Variants in MAP2K1 observed in about 807,000 individuals in gnomAD.
MAP2K1 encodes mitogen-activated protein kinase kinase 1.
MAP2K1 carries 16 observed loss-of-function variants against 46.3 expected under a neutral mutation model. That is an observed-to-expected ratio of 0.35 (90% CI 0.23 to 0.52). MAP2K1 has a LOEUF of 0.52. Among genes scored for constraint, MAP2K1 ranks in the 20% least tolerant of loss-of-function variants. MAP2K1 has a pLI of 0.94. For missense variants in MAP2K1, 263 were observed against 497.1 expected (o/e 0.53, Z 4.48); for synonymous variants, 183 against 185.6 (o/e 0.99, Z 0.11).
chr15:66,465,451 C>G (rs1349863638), intron 5 of MAP2K1, among the ~76,000 whole-genome samples: 1 of 152,162 alleles, frequency 6.6e-6, no homozygotes, highest in African/African-American at 2.4e-5. Context: ...TTTCACAGTG[C>G]TTTTCTATAC....
At position 66,490,571 on chromosome 15, in the gene MAP2K1, G is replaced by C; in HGVS notation, c.1138G>C (p.Gly380Arg). 1 of 1,614,116 alleles carries C rather than the reference G, an allele frequency of 6.2e-7. No individual in the cohort carries two copies. Among genetic ancestry groups the C allele is most frequent in the Non-Finnish European group, 8.5e-7 (1 of 1,180,030 alleles). ...TGCAGGTTGGCTCTGCTCCACCATC[G>C]GCCTTAACCAGCCCAGCACACCAAC... ...DFAGWLCSTI[G>R]LNQPSTPTHA... The change falls in exon 11 of 11, where the codon GGC (glycine) becomes CGC (arginine). Residue 380 changes from glycine to arginine, a missense_variant. Physicochemically the swap from Gly to Arg is moderately radical, Grantham distance 125 (BLOSUM62 -2). Coordinates refer to ENST00000307102, the MANE Select transcript of MAP2K1 (RefSeq NM_002755.4).
At position 66,397,797 on chromosome 15, in the gene MAP2K1, C is replaced by T. The variant is rs114301928; in HGVS notation, c.80+10370C>T. 4.6e-3 allele frequency among the ~76,000 whole-genome samples: 701 copies of T among 152,170 alleles called. 4 individuals are homozygous for T. Among genetic ancestry groups the T allele is most frequent in the African/African-American group, 0.016 (685 of 41,536 alleles). On this transcript the variant is annotated intron_variant, in intron 1 of 10. Transcript: ENST00000307102. ...GTGGAACATTCTCTAAGACAACTGA[C>T]CTAGTCTCTTAAAAAGTCAGTATAG...
chr15:66,404,128 C>T (rs1396704522), intron 1 of MAP2K1, among the ~76,000 whole-genome samples: 2 of 152,198 alleles, frequency 1.3e-5, no homozygotes, highest in Non-Finnish European at 2.9e-5. Flanking sequence ...TAATCAGGCA[C>T]TCATTTGCGT....
intron 1 of MAP2K1, among the ~76,000 whole-genome samples, chr15:66,428,663 G>A (rs192330649): frequency 3.3e-5 from 5 of 151,654 alleles, no homozygotes; most frequent in African/African-American, 9.7e-5. Context: ...AAGTTGACAC[G>A]TAAAATTAAC....
In MAP2K1 at chr15:66,387,416, C is replaced by G. The variant is rs140749690; in HGVS notation, c.69C>G (p.Thr23=). ...CCGACGGCTCTGCAGTTAACGGGAC[C>G]AGCTCTGCGGAGTAAGTATGGGGCG... is the stretch of plus-strand genomic sequence containing the variant. ...PAPDGSAVNG[T]SSAETNLEAL... The change falls in exon 1 of 11, where the codon ACC becomes ACG. Residue 23 remains threonine (T), a synonymous_variant. Transcript: ENST00000307102. 2 of 1,559,170 alleles carry G rather than the reference C, an allele frequency of 1.3e-6. No homozygotes were observed. The highest frequency in any genetic ancestry group is 1.7e-6 in the Non-Finnish European group (2 of 1,150,822).
intron 1 of MAP2K1, among the ~76,000 whole-genome samples, chr15:66,434,404 G>C (rs2093482182): frequency 6.6e-6 from 1 of 152,130 alleles, no homozygotes; most frequent in African/African-American, 2.4e-5. Context: ...GGTCCTCTTT[G>C]GACCCTTATT....
In MAP2K1 at chr15:66,420,767, GTATATATATGTGTATATATA is replaced by G. The variant is rs1174666146; in HGVS notation, c.81-14258_81-14239del. On this transcript the variant is annotated intron_variant, in intron 1 of 10. Transcript: ENST00000307102. ...TGTGTGTGTGTGTGTGTGTATGTGT[GTATATATATGTGTATATATA>G]TGTGTGTATATATATGTGTATATAT... Among the ~76,000 whole-genome samples, 73 of 35,310 alleles carry G rather than the reference GTATATATATGTGTATATATA, an allele frequency of 2.1e-3. 1 individual carries two copies. Among genetic ancestry groups the G allele is most frequent in the East Asian group, 0.012 (16 of 1,312 alleles). 23.2% of individuals were successfully genotyped at this position (35,310 alleles called of 152,430 possible).
At chr15:66,389,889 T>C (rs2093352840) in intron 1 of MAP2K1, among the ~76,000 whole-genome samples, 1 of 152,150 alleles carries the variant, frequency 6.6e-6, no homozygotes, top group Admixed American at 6.5e-5. Context: ...GTTCAAGTCT[T>C]TTAGTCTAAG....
intron 1 of MAP2K1, 67 bp downstream of exon 1, chr15:66,387,494 G>A (rs2093344640): frequency 2.1e-6 from 3 of 1,459,762 alleles, no homozygotes; most frequent in East Asian, 5.0e-5. Context: ...GAGCAGGAGC[G>A]CGCGCCAGGC....
chr15:66,424,101 A>G (rs138523253), intron 1 of MAP2K1, among the ~76,000 whole-genome samples: 120 of 150,168 alleles, frequency 8.0e-4, no homozygotes, highest in African/African-American at 2.9e-3. Context: ...TTTGTTGCCC[A>G]TGCTGGAGTG....
chr15:66,410,422 AAAG>A (rs1208805737), intron 1 of MAP2K1, among the ~76,000 whole-genome samples: 1 of 151,036 alleles, frequency 6.6e-6, no homozygotes, highest in Non-Finnish European at 1.5e-5. Flanking sequence ...AAAGGGGAAA[AAAG>A]AGAGAAGGTT....
chr15:66,410,022 T>TTGAACTAA (rs1365195965), intron 1 of MAP2K1, among the ~76,000 whole-genome samples: 1 of 152,202 alleles, frequency 6.6e-6, no homozygotes, highest in Non-Finnish European at 1.5e-5. Flanking sequence ...TAGTTCAGCC[T>TTGAACTAA]CCTGTATGTA....
chr15:66,464,368 A>C (rs1262463859), intron 5 of MAP2K1, among the ~76,000 whole-genome samples: 2 of 152,160 alleles, frequency 1.3e-5, no homozygotes, highest in Non-Finnish European at 2.9e-5. Flanking sequence ...AAGTCCATAC[A>C]TCAGTAGGCA....
intron 8 of MAP2K1, among the ~76,000 whole-genome samples, 176 bp downstream of exon 8, chr15:66,487,468 A>G (rs532922837): frequency 6.0e-4 from 92 of 152,214 alleles, no homozygotes; most frequent in African/African-American, 2.2e-3. Context: ...GCAAAACCCC[A>G]TCTCTACTAA....
At chr15:66,438,663 C>A (rs1310353147) in intron 3 of MAP2K1, among the ~76,000 whole-genome samples, 1 of 152,174 alleles carries the variant, frequency 6.6e-6, no homozygotes, top group Non-Finnish European at 1.5e-5. Context: ...AGTTTTTCCC[C>A]CCATGGATTT....
At chr15:66,486,649 A>G (rs1478610529) in intron 7 of MAP2K1, among the ~76,000 whole-genome samples, 1 of 152,158 alleles carries the variant, frequency 6.6e-6, no homozygotes, top group Non-Finnish European at 1.5e-5. Flanking sequence ...GTACTCAGGG[A>G]ATAGCCTGAC....
chr15:66,419,344 A>T (rs1024674167), intron 1 of MAP2K1, among the ~76,000 whole-genome samples: 4 of 151,300 alleles, frequency 2.6e-5, no homozygotes, highest in Admixed American at 6.6e-5. Flanking sequence ...ACATGGCAAA[A>T]CCCCGTCTCT....
In MAP2K1 at chr15:66,487,210, T is replaced by G; in HGVS notation, c.896-18T>G. ...ATCTGTTTCTGAGAAGTATTTTTTC[T>G]TTTTATAAAATTTGTAGCATACGGA... On this transcript the variant is annotated intron_variant, in intron 7 of 10. Coordinates refer to ENST00000307102, the MANE Select transcript of MAP2K1 (RefSeq NM_002755.4). 1 of 1,611,916 alleles carries G rather than the reference T, an allele frequency of 6.2e-7. No individual in the cohort carries two copies. Among genetic ancestry groups the G allele is most frequent in the Non-Finnish European group, 8.5e-7 (1 of 1,177,950 alleles).
chr15:66,427,432 G>A (rs944862629), intron 1 of MAP2K1, among the ~76,000 whole-genome samples: 9 of 151,154 alleles, frequency 6.0e-5, no homozygotes, highest in East Asian at 2.0e-4. Context: ...GGTGGCGGGC[G>A]CCTGTAGTCC....
Sources: allele counts gnomAD v4.1 joint callset (sites outside exome capture counted in the v4.1 genomes callset), GRCh38; gene constraint gnomAD v4.1.1; transcripts MANE v1.5; gene names NCBI Gene and HGNC (gene_info 2026-07-23, HGNC 2026-07-21).